PCDH15: variants seen among roughly 807,000 people sequenced by gnomAD.
PCDH15 encodes protocadherin related 15.
Under a neutral mutation model 178.5 loss-of-function variants are expected in PCDH15, and 129 were observed. The ratio of observed to expected loss-of-function variants is 0.72; its 90% CI spans 0.63 to 0.84. PCDH15 has a LOEUF of 0.84. PCDH15 is among the 40% of genes least tolerant of loss of function. PCDH15 has a pLI of 0.00. For synonymous variants in PCDH15, 800 were observed against 732.0 expected, an observed-to-expected ratio of 1.09 and a Z score of -1.50; for missense variants, 2,230 against 2,099.9, an observed-to-expected ratio of 1.06 and a Z score of -1.21.
intron 2 of PCDH15, among the ~76,000 whole-genome samples, chr10:55,002,338 C>T (rs1487849154): frequency 1.3e-5 from 2 of 152,046 alleles, no homozygotes; most frequent in African/African-American, 2.4e-5. Flanking sequence ...ACTGAATTTC[C>T]AAAAACAATA....
At chr10:54,984,671 T>G (rs1370523538) in intron 2 of PCDH15, among the ~76,000 whole-genome samples, 1 of 152,056 alleles carries the variant, frequency 6.6e-6, no homozygotes, top group South Asian at 2.1e-4. Context: ...AGACACTGTC[T>G]CTACAAAAAA....
intron 1 of PCDH15, among the ~76,000 whole-genome samples, chr10:55,210,385 G>T (rs1840526497): frequency 6.6e-6 from 1 of 151,690 alleles, no homozygotes; most frequent in African/African-American, 2.4e-5. Flanking sequence ...TAATTTTTTT[G>T]AAGAAAAGAT....
intron 21 of PCDH15, among the ~76,000 whole-genome samples, chr10:53,992,670 G>A (rs976090718): frequency 6.6e-6 from 1 of 152,082 alleles, no homozygotes; most frequent in African/African-American, 2.4e-5. Context: ...GTTTTGTTCT[G>A]TCAAATTTGG....
chr10:53,895,371 T>C (rs2081882628), intron 26 of PCDH15, among the ~76,000 whole-genome samples: 1 of 152,230 alleles, frequency 6.6e-6, no homozygotes, highest in Admixed American at 6.5e-5. Flanking sequence ...AAGTGTTAAG[T>C]CTTTTTTCTT....
At chr10:54,601,361 G>T (rs1393887348) in intron 2 of PCDH15, among the ~76,000 whole-genome samples, 1 of 151,888 alleles carries the variant, frequency 6.6e-6, no homozygotes, top group Admixed American at 6.6e-5. Context: ...CCACTAAAAA[G>T]GGTGAAAAGT....
chr10:54,142,221 G>A (rs1375234971), intron 14 of PCDH15, among the ~76,000 whole-genome samples: 1 of 152,118 alleles, frequency 6.6e-6, no homozygotes, highest in Non-Finnish European at 1.5e-5. Flanking sequence ...TTTAATTTGT[G>A]ACATTTTAGA....
chr10:54,780,243 A>G (rs907735098), intron 1 of PCDH15, among the ~76,000 whole-genome samples: 19 of 152,322 alleles, frequency 1.2e-4, no homozygotes, highest in African/African-American at 4.6e-4. Context: ...ATATTTTAAG[A>G]GAAAGAGAAA....
intron 2 of PCDH15, among the ~76,000 whole-genome samples, chr10:54,647,307 GA>G (rs1345936689): frequency 1.3e-5 from 2 of 152,150 alleles, no homozygotes; most frequent in East Asian, 3.9e-4. Flanking sequence ...GAAACTCACA[GA>G]AGCAAAGAAT....
intron 1 of PCDH15, among the ~76,000 whole-genome samples, chr10:55,180,928 G>C (rs753194679): frequency 2.0e-5 from 3 of 151,698 alleles, no homozygotes; most frequent in Non-Finnish European, 4.4e-5. Flanking sequence ...TCCTAGAGGG[G>C]GAAAACTCAG....
intron 2 of PCDH15, among the ~76,000 whole-genome samples, chr10:55,325,594 A>C (rs933935321): frequency 4.6e-5 from 7 of 152,186 alleles, no homozygotes; most frequent in Admixed American, 3.3e-4. Flanking sequence ...ACTTAAATAT[A>C]AACCTAAAAC....
chr10:54,481,183 G>A (rs2078691212), intron 3 of PCDH15, among the ~76,000 whole-genome samples: 1 of 151,750 alleles, frequency 6.6e-6, no homozygotes, highest in South Asian at 2.1e-4. Context: ...TCATGCTTGA[G>A]CCAAATTTAT....
chr10:54,754,131 C>T (rs905655382), intron 1 of PCDH15, among the ~76,000 whole-genome samples: 5 of 151,794 alleles, frequency 3.3e-5, no homozygotes, highest in African/African-American at 1.2e-4. Flanking sequence ...CCCGGCTCCC[C>T]AAATCTTTAC....
At chr10:54,048,614 A>G (rs1042515716) in intron 18 of PCDH15, among the ~76,000 whole-genome samples, 2 of 152,146 alleles carry the variant, frequency 1.3e-5, no homozygotes, top group African/African-American at 4.8e-5. Context: ...TCTTTTGCAT[A>G]TGGATAGCCA....
At chr10:55,514,996 T>TC (rs556626902) in intron 2 of PCDH15, among the ~76,000 whole-genome samples, 2 of 148,494 alleles carry the variant, frequency 1.3e-5, no homozygotes, top group Non-Finnish European at 3.0e-5. Context: ...GATTTTTTTT[T>TC]TTTTTTTTTT....
intron 2 of PCDH15, among the ~76,000 whole-genome samples, chr10:55,076,236 C>G (rs1209602111): frequency 3.3e-5 from 5 of 152,008 alleles, no homozygotes; most frequent in Non-Finnish European, 7.4e-5. Context: ...CTGTAAATGT[C>G]TGTTATGTTC....
chr10:54,809,113 A>C (rs1337541019), intron 3 of PCDH15, among the ~76,000 whole-genome samples: 1 of 152,134 alleles, frequency 6.6e-6, no homozygotes, highest in Non-Finnish European at 1.5e-5. Context: ...TAAGGTATGA[A>C]TATTATTTGT....
intron 2 of PCDH15, among the ~76,000 whole-genome samples, chr10:55,397,764 C>T (rs2256830): frequency 0.61 from 92,926 of 151,468 alleles, 29,459 homozygotes; most frequent in African/African-American, 0.75. Context: ...TTTTGTATTT[C>T]TAGTATAGAT....
At chr10:55,005,502 G>A (rs577437509) in intron 2 of PCDH15, among the ~76,000 whole-genome samples, 22 of 151,968 alleles carry the variant, frequency 1.4e-4, no homozygotes, top group Admixed American at 3.3e-4. Flanking sequence ...ACGTGGATAC[G>A]CATCCCTCAT....
At chr10:55,593,937 G>C (rs1323029421) in intron 2 of PCDH15, among the ~76,000 whole-genome samples, 1 of 151,840 alleles carries the variant, frequency 6.6e-6, no homozygotes, top group East Asian at 1.9e-4. Flanking sequence ...TTCTATACAT[G>C]TATTTAGTAT....
Sources: gnomAD v4.1 joint callset for allele counts (sites outside exome capture counted in the v4.1 genomes callset) on GRCh38, gnomAD v4.1.1 for gene constraint, MANE v1.5 for transcripts, NCBI Gene and HGNC (gene_info 2026-07-23, HGNC 2026-07-21) for gene names.